WRN: variants seen among roughly 807,000 people sequenced by gnomAD.
WRN encodes WRN RecQ like helicase, also known as bifunctional 3'-5' exonuclease/ATP-dependent helicase WRN.
Under a neutral mutation model 180.7 loss-of-function variants are expected in WRN, and 149 were observed. The observed-to-expected ratio is 0.82, with a 90% CI of 0.72 to 0.94. WRN has a LOEUF of 0.94. Ranked by LOEUF, WRN falls within the 40% of genes least tolerant of loss-of-function variation. The pLI is 0.00. For synonymous variants in WRN, 548 were observed against 568.9 expected (o/e 0.96, Z 0.52); for missense variants, 1,661 against 1,700.1 (o/e 0.98, Z 0.40).
chr8:31,114,797 C>T (rs1347533728), intron 19 of WRN, among the ~76,000 whole-genome samples: 1 of 151,542 alleles, frequency 6.6e-6, no homozygotes, highest in Non-Finnish European at 1.5e-5. Context: ...CCATATATTG[C>T]ATTTTCTTAA....
chr8:31,174,319 C>T lies in WRN; in HGVS notation c.*1217C>T, dbSNP rs542914438. Among the ~76,000 whole-genome samples, 3 of 152,338 alleles carry T rather than the reference C, an allele frequency of 2.0e-5. No individual in the cohort carries two copies. In the South Asian group the frequency reaches 6.2e-4, roughly 32 times the overall value. On this transcript the variant is annotated 3_prime_UTR_variant, in exon 35 of 35. Coordinates refer to ENST00000298139, the MANE Select transcript of WRN (RefSeq NM_000553.6). ...TGATGGAGTGGCAAGTACGCACAGA[C>T]ACGTCTGCTGCATGCCTAGGTACGA...
intron 32 of WRN, among the ~76,000 whole-genome samples, chr8:31,155,864 G>A (rs1249445532): frequency 1.3e-5 from 2 of 152,234 alleles, no homozygotes; most frequent in East Asian, 3.9e-4. Flanking sequence ...ACTAGTGCCT[G>A]TGTTACACAC....
At chr8:31,048,586 C>A (rs2725342) in intron 1 of WRN, among the ~76,000 whole-genome samples, 146,415 of 152,274 alleles carry the variant, frequency 0.96, 70,664 homozygotes, top group East Asian at 1. Flanking sequence ...AAGTATAAAA[C>A]CTCAATGTGC....
intron 34 of WRN, among the ~76,000 whole-genome samples, chr8:31,172,279 A>T (rs966911780): frequency 7.2e-5 from 11 of 151,936 alleles, no homozygotes; most frequent in African/African-American, 2.7e-4. Context: ...AAGTGTTGGG[A>T]TTGCAGGCGT....
chr8:31,043,795 C>G (rs1811744811), intron 1 of WRN, among the ~76,000 whole-genome samples: 1 of 152,146 alleles, frequency 6.6e-6, no homozygotes, highest in African/African-American at 2.4e-5. Context: ...TATGCCTGAC[C>G]TCAGTCCCAT....
chr8:31,089,396 C>T (rs1474320112), intron 13 of WRN, among the ~76,000 whole-genome samples: 1 of 151,876 alleles, frequency 6.6e-6, no homozygotes, highest in Non-Finnish European at 1.5e-5. Flanking sequence ...AATTTGTTTA[C>T]ATCTAACAGG....
chr8:31,079,161 C>T (rs1813206601), intron 8 of WRN, among the ~76,000 whole-genome samples: 1 of 152,154 alleles, frequency 6.6e-6, no homozygotes, highest in Non-Finnish European at 1.5e-5. Context: ...TAATTTTGCT[C>T]TTGATTTTGT....
intron 7 of WRN, among the ~76,000 whole-genome samples, chr8:31,068,700 C>G (rs1183697164): frequency 6.6e-6 from 1 of 152,078 alleles, no homozygotes; most frequent in African/African-American, 2.4e-5. Flanking sequence ...TGGCTTATCC[C>G]CAAGATGGTA....
At chr8:31,078,585 A>G (rs1011266080) in intron 8 of WRN, among the ~76,000 whole-genome samples, 3 of 152,084 alleles carry the variant, frequency 2.0e-5, no homozygotes, top group Non-Finnish European at 4.4e-5. Flanking sequence ...AGAACTAAGA[A>G]CTCTTAAAAT....
In WRN at chr8:31,141,749, G is replaced by A. The variant is rs1433759647; in HGVS notation, c.3207G>A (p.Leu1069=). The change falls in exon 26 of 35, where the codon TTG becomes TTA. Residue 1069 remains leucine, a synonymous_variant. Coordinates refer to ENST00000298139, the MANE Select transcript of WRN (RefSeq NM_000553.6). The stretch of plus-strand genomic sequence containing the variant: ...TCATCCTTCAAGCTAATGAAGAATT[G>A]TGTCCAAAGAAGTTGCTTCTGCCTA... The part of the protein sequence containing the change: ...QSLILQANEE[L]CPKKLLLPSS... The A allele has an allele frequency of 1.2e-6, 2 of 1,614,070 alleles. No homozygotes were observed. Among genetic ancestry groups the A allele is most frequent in the Non-Finnish European group, 1.7e-6 (2 of 1,180,012 alleles).
rs550926459 is a variant in WRN, at chr8:31,058,524, G to A, written c.77G>A (p.Cys26Tyr). Reference sequence around the variant, plus strand: ...TGGATGAATGTGCAGAATAAAAGATGTGCTGTAGAAGAAAGAAAGGTATGT... The same window carrying A: ...TGGATGAATGTGCAGAATAAAAGATATGCTGTAGAAGAAAGAAAGGTATGT... ...PEWMNVQNKR[C>Y]AVEERKACVR... Residue 26 changes from cysteine to tyrosine, a missense_variant, in exon 2 of 35, where the codon TGT becomes TAT. Around this residue, in one of 3 missense-constraint regions of WRN, gnomAD observed 500 missense variants for 504.1 expected, o/e 0.99. Coordinates refer to ENST00000298139, the MANE Select transcript of WRN (RefSeq NM_000553.6). 86 of 1,613,772 alleles carry A rather than the reference G, an allele frequency of 5.3e-5. 1 individual carries two copies. In the South Asian group the frequency reaches 8.8e-4, roughly 16 times the overall value.
At chr8:31,062,829 C>T (rs932939779) in intron 3 of WRN, among the ~76,000 whole-genome samples, 1 of 152,004 alleles carries the variant, frequency 6.6e-6, no homozygotes, top group African/African-American at 2.4e-5. Context: ...GAGTTTTGTG[C>T]ATTTTTTTTT....
intron 19 of WRN, 63 bp downstream of exon 19, chr8:31,111,862 TG>T: frequency 6.4e-7 from 1 of 1,552,686 alleles, no homozygotes; most frequent in Non-Finnish European, 8.8e-7. Flanking sequence ...TAACAACTTA[TG>T]TATTTTATGT....
chr8:31,092,796 G>A (rs1377381307), intron 16 of WRN, among the ~76,000 whole-genome samples: 3 of 151,954 alleles, frequency 2.0e-5, no homozygotes, highest in Non-Finnish European at 4.4e-5. Flanking sequence ...CCACTGCTCC[G>A]ATTTTCTCTA....
intron 33 of WRN, among the ~76,000 whole-genome samples, chr8:31,158,005 G>GGT (rs1461733269): frequency 2.0e-5 from 3 of 152,144 alleles, no homozygotes; most frequent in African/African-American, 7.2e-5. Context: ...TGCGATTACA[G>GGT]GTGTGAGCCA....
At chr8:31,154,501 G>A (rs894111370) in intron 31 of WRN, 123 bp from the exon 32 acceptor site, 2 of 1,164,668 alleles carry the variant, frequency 1.7e-6, no homozygotes, top group African/African-American at 3.2e-5. Flanking sequence ...CATAAAAAGG[G>A]AATTATTTGT....
At chr8:31,128,569 T>C (rs774677906) in intron 23 of WRN, among the ~76,000 whole-genome samples, 3 of 152,130 alleles carry the variant, frequency 2.0e-5, no homozygotes, top group Non-Finnish European at 2.9e-5. Flanking sequence ...TTCTAAAAAC[T>C]ATGTATTGGG....
chr8:31,162,527 G>A (rs1803670957), intron 33 of WRN, among the ~76,000 whole-genome samples: 2 of 152,100 alleles, frequency 1.3e-5, no homozygotes, highest in African/African-American at 2.4e-5. Flanking sequence ...ATAATAAAAT[G>A]TATAGTATAG....
At chr8:31,100,528 G>A (rs1814181551) in intron 17 of WRN, among the ~76,000 whole-genome samples, 1 of 152,110 alleles carries the variant, frequency 6.6e-6, no homozygotes, top group African/African-American at 2.4e-5. Context: ...AAATGCAGGT[G>A]GATAGTTTTG....
Sources: gnomAD v4.1 joint callset for allele counts (sites outside exome capture counted in the v4.1 genomes callset) on GRCh38, gnomAD v4.1.1 for gene constraint, gnomAD v4.1.1 regional missense constraint, MANE v1.5 for transcripts, NCBI Gene and HGNC (gene_info 2026-07-23, HGNC 2026-07-21) for gene names.